Variants in AGTR1 observed in about 807,000 individuals in gnomAD.
AGTR1 encodes the protein type-1 angiotensin II receptor.
A neutral mutation model predicts 19.4 loss-of-function variants in AGTR1; 16 were observed. That is an observed-to-expected ratio of 0.82 (90% CI 0.56 to 1.25). AGTR1 has a LOEUF of 1.25. AGTR1 is among the 50% of genes most tolerant of loss of function. AGTR1 has a pLI of 0.00. For synonymous variants in AGTR1, 153 were observed against 154.9 expected, an observed-to-expected ratio of 0.99 and a Z score of 0.09; for missense variants, 373 against 431.9, an observed-to-expected ratio of 0.86 and a Z score of 1.21.
intron 2 of AGTR1, among the ~76,000 whole-genome samples, chr3:148,732,230 T>C (rs12721289): frequency 0.047 from 7,223 of 152,320 alleles, 188 homozygotes; most frequent in African/African-American, 0.059. Flanking sequence ...ACTCTTTGAC[T>C]TGGTAGTGTC....
chr3:148,710,805 G>A (rs1353766857), intron 2 of AGTR1, among the ~76,000 whole-genome samples: 1 of 152,124 alleles, frequency 6.6e-6, no homozygotes, highest in Non-Finnish European at 1.5e-5. Context: ...CCTGGTGGGA[G>A]GTGTTTGGAT....
intron 2 of AGTR1, among the ~76,000 whole-genome samples, chr3:148,715,542 T>A (rs1375096576): frequency 1.3e-5 from 2 of 151,998 alleles, no homozygotes; most frequent in East Asian, 3.9e-4. Flanking sequence ...TAAGAAATAA[T>A]CATGAGTAGA....
At chr3:148,702,601 C>A (rs1218082077) in intron 1 of AGTR1, among the ~76,000 whole-genome samples, 2 of 152,196 alleles carry the variant, frequency 1.3e-5, no homozygotes, top group African/African-American at 4.8e-5. Context: ...ATGGCCCCTC[C>A]TTCTGTCCTG....
intron 1 of AGTR1, among the ~76,000 whole-genome samples, chr3:148,704,692 G>C (rs1470262900): frequency 1.3e-5 from 2 of 152,210 alleles, no homozygotes; most frequent in Non-Finnish European, 2.9e-5. Flanking sequence ...ACCCAGTGCA[G>C]GTAGATTCTC....
At chr3:148,710,423 T>C (rs1395183069) in intron 2 of AGTR1, among the ~76,000 whole-genome samples, 1 of 152,166 alleles carries the variant, frequency 6.6e-6, no homozygotes, top group South Asian at 2.1e-4. Flanking sequence ...AACTAAAATA[T>C]ATGGCTGTTG....
Position 148,708,009 on chromosome 3 carries a change from C to T in AGTR1, c.-66C>T, listed in dbSNP as rs1001183821. ...TATCTGAATAACTCACTGATGCCAT[C>T]CCAGAAAGTCGGCACCAGGTAAATG... On this transcript the variant is annotated 5_prime_UTR_variant, in exon 2 of 3. Coordinates refer to ENST00000349243, the MANE Select transcript of AGTR1 (RefSeq NM_000685.5). The T allele has an allele frequency of 6.6e-6, 1 of 152,066 alleles. No individual in the cohort carries two copies. Among genetic ancestry groups the T allele is most frequent in the African/African-American group, 2.4e-5 (1 of 41,386 alleles). 9.4% of individuals were successfully genotyped at this position (152,066 alleles called of 1,614,324 possible).
intron 1 of AGTR1, among the ~76,000 whole-genome samples, chr3:148,700,028 C>G (rs988628926): frequency 6.6e-6 from 1 of 152,160 alleles, no homozygotes; most frequent in Non-Finnish European, 1.5e-5. Context: ...ATGCTGCTGT[C>G]CCACAGCATT....
At chr3:148,699,130 G>A (rs892457765) in intron 1 of AGTR1, among the ~76,000 whole-genome samples, 2 of 152,002 alleles carry the variant, frequency 1.3e-5, no homozygotes, top group Non-Finnish European at 2.9e-5. Context: ...TTGGGTACTG[G>A]GATCAGATTT....
At chr3:148,704,153 A>G (rs998885604) in intron 1 of AGTR1, among the ~76,000 whole-genome samples, 20 of 152,168 alleles carry the variant, frequency 1.3e-4, no homozygotes, top group Admixed American at 3.3e-4. Flanking sequence ...GTTTGAGACC[A>G]GCTGAGGCAA....
chr3:148,713,788 G>C (rs888686404), intron 2 of AGTR1, among the ~76,000 whole-genome samples: 1 of 152,144 alleles, frequency 6.6e-6, no homozygotes, highest in African/African-American at 2.4e-5. Context: ...GTTCAGACAG[G>C]GCTATGTTTT....
chr3:148,740,415 G>A (rs1022773925), intron 2 of AGTR1, among the ~76,000 whole-genome samples: 5 of 152,104 alleles, frequency 3.3e-5, no homozygotes, highest in Non-Finnish European at 5.9e-5. Flanking sequence ...TACCTCCTAC[G>A]CCTCTTAAAT....
chr3:148,717,616 T>C lies in AGTR1; in HGVS notation c.-48+9589T>C, dbSNP rs192170933. ...TATAAGCTAACACCATTTTGAATTA[T>C]AGTAGAAGAGTCAGGAGCTCTGAGA... On this transcript the variant is annotated intron_variant, in intron 2 of 2. Transcript: ENST00000349243. Among the ~76,000 whole-genome samples, 36 of 152,328 alleles carry C rather than the reference T, an allele frequency of 2.4e-4. No individual in the cohort carries two copies. The East Asian group carries it at 6.7e-3, about 29-fold the overall frequency.
intron 1 of AGTR1, among the ~76,000 whole-genome samples, chr3:148,706,236 A>G (rs1272853445): frequency 5.9e-5 from 9 of 151,866 alleles, no homozygotes; most frequent in Non-Finnish European, 1.0e-4. Flanking sequence ...GTGGTACACT[A>G]GTGTCTCACA....
In AGTR1 at chr3:148,709,392, T is replaced by A. The variant is rs1271628847; in HGVS notation, c.-48+1365T>A. Among the ~76,000 whole-genome samples, 3 of 152,268 alleles carry A rather than the reference T, an allele frequency of 2.0e-5. No homozygotes were observed. In the East Asian group the frequency reaches 5.8e-4, roughly 29 times the overall value. On this transcript the variant is annotated intron_variant, in intron 2 of 2. Coordinates refer to ENST00000349243, the MANE Select transcript of AGTR1 (RefSeq NM_000685.5). The stretch of plus-strand genomic sequence containing the variant: ...GGAATCAGCCTTCCTTCTACTCTAT[T>A]TGGGAAGTCTTTGGTTTCTAACATT...
intron 2 of AGTR1, among the ~76,000 whole-genome samples, chr3:148,713,681 G>GA (rs983290232): frequency 3.9e-4 from 60 of 152,142 alleles, no homozygotes; most frequent in African/African-American, 1.4e-3. Context: ...AAAAGAGGTA[G>GA]AAAAAAACCC....
intron 2 of AGTR1, among the ~76,000 whole-genome samples, chr3:148,714,126 G>C (rs1337998922): frequency 2.6e-5 from 4 of 152,138 alleles, no homozygotes; most frequent in Non-Finnish European, 5.9e-5. Context: ...ATTCTATTGT[G>C]TTTCAGTCAA....
At chr3:148,733,196 TAAAG>T (rs1257602439) in intron 2 of AGTR1, among the ~76,000 whole-genome samples, 1 of 152,184 alleles carries the variant, frequency 6.6e-6, no homozygotes, top group African/African-American at 2.4e-5. Context: ...AGGCTATCGT[TAAAG>T]AATATTTCTT....
At chr3:148,731,289 T>C (rs2638355) in intron 2 of AGTR1, 111,681 of 152,064 alleles carry the variant, frequency 0.73, 43,090 homozygotes, top group South Asian at 0.87. Context: ...AAAGAAAATA[T>C]ATACGTTGTT....
intron 2 of AGTR1, among the ~76,000 whole-genome samples, chr3:148,724,893 A>G (rs1285109927): frequency 6.6e-6 from 1 of 152,226 alleles, no homozygotes; most frequent in Non-Finnish European, 1.5e-5. Context: ...TTATTAGCAT[A>G]TTATGTTATT....
Sources: gnomAD v4.1 joint callset for allele counts (sites outside exome capture counted in the v4.1 genomes callset) on GRCh38, gnomAD v4.1.1 for gene constraint, MANE v1.5 for transcripts, NCBI Gene and HGNC (gene_info 2026-07-23, HGNC 2026-07-21) for gene names.